Variants in SNX9 observed in about 807,000 individuals in gnomAD.
SNX9 encodes the protein sorting nexin 9.
In SNX9, 44 loss-of-function variants were observed where a neutral mutation model predicts 89.4. The ratio of observed to expected loss-of-function variants is 0.49; its 90% CI spans 0.39 to 0.63. SNX9 has a LOEUF of 0.63. Ranked by LOEUF, SNX9 falls within the 30% of genes least tolerant of loss-of-function variation. SNX9 has a pLI of 0.00. For synonymous variants in SNX9, 236 were observed against 247.8 expected (o/e 0.95, Z 0.45); for missense variants, 578 against 736.1 (o/e 0.79, Z 2.49).
chr6:157,889,975 G>T (rs1310433395), intron 4 of SNX9, among the ~76,000 whole-genome samples: 1 of 152,126 alleles, frequency 6.6e-6, no homozygotes, highest in Non-Finnish European at 1.5e-5. Context: ...TAAGTGTGGG[G>T]ACTAAGAGAG....
intron 13 of SNX9, among the ~76,000 whole-genome samples, chr6:157,935,316 G>A (rs1267369936): frequency 2.0e-5 from 3 of 152,162 alleles, no homozygotes; most frequent in African/African-American, 7.2e-5. Flanking sequence ...GTCATTCTAG[G>A]TAACGATCAT....
intron 4 of SNX9, among the ~76,000 whole-genome samples, chr6:157,878,431 ATTT>A (rs1341249074): frequency 1.5e-5 from 2 of 131,334 alleles, no homozygotes; most frequent in South Asian, 2.5e-4. Flanking sequence ...GAAGCCCACC[ATTT>A]TTTTTTTTTT....
intron 4 of SNX9, among the ~76,000 whole-genome samples, chr6:157,893,103 C>T (rs1017935649): frequency 3.3e-5 from 5 of 152,036 alleles, no homozygotes; most frequent in Non-Finnish European, 7.4e-5. Context: ...TTGGAGGACA[C>T]GGAATATATT....
At position 157,922,193 on chromosome 6, in the gene SNX9, A is replaced by C. The variant is rs1318821393; in HGVS notation, c.1080+532A>C. Among the ~76,000 whole-genome samples the C allele has an allele frequency of 2.0e-5, 3 of 152,192 alleles. No individual in the cohort carries two copies. In the South Asian group the frequency reaches 6.2e-4, roughly 32 times the overall value. ...TGTGGCCTGTAGTCTGCCAGTGGTC[A>C]TCTGTTCTTCATTAAAATCAAGGAA... On this transcript the variant is annotated intron_variant, in intron 10 of 17. Coordinates refer to ENST00000392185, the MANE Select transcript of SNX9 (RefSeq NM_016224.5).
chr6:157,941,008 T>G, intron 17 of SNX9, 34 bp downstream of exon 17: 2 of 1,562,770 alleles, frequency 1.3e-6, no homozygotes, highest in East Asian at 4.5e-5. Flanking sequence ...TCGCATGTGC[T>G]TGAGGAGAGG....
At chr6:157,933,210 C>T (rs542838621) in intron 13 of SNX9, among the ~76,000 whole-genome samples, 170 of 152,234 alleles carry the variant, frequency 1.1e-3, no homozygotes, top group Middle Eastern at 3.4e-3. Context: ...AGAAGGATCG[C>T]TTGAGCCCAG....
At chr6:157,859,090 C>T (rs1235042503) in intron 1 of SNX9, among the ~76,000 whole-genome samples, 3 of 152,124 alleles carry the variant, frequency 2.0e-5, no homozygotes, top group Non-Finnish European at 2.9e-5. Context: ...TTTCATCTTC[C>T]GCCATTACTG....
chr6:157,914,910 A>G (rs1783430616), intron 9 of SNX9, among the ~76,000 whole-genome samples: 1 of 152,104 alleles, frequency 6.6e-6, no homozygotes, highest in African/African-American at 2.4e-5. Context: ...ATTTTCTTCT[A>G]AAGGTTTTAG....
chr6:157,901,766 C>A, intron 5 of SNX9, 132 bp from the exon 6 acceptor site: 1 of 986,056 alleles, frequency 1.0e-6, no homozygotes, highest in South Asian at 1.7e-5. Context: ...TACTCCTATA[C>A]TATACCCTTT....
intron 1 of SNX9, among the ~76,000 whole-genome samples, chr6:157,825,503 G>C (rs1385422035): frequency 3.9e-5 from 6 of 152,136 alleles, no homozygotes; most frequent in African/African-American, 1.4e-4. Context: ...CGAATTGCAT[G>C]TGTCTTTGAT....
chr6:157,828,822 T>G (rs1193454027), intron 1 of SNX9, among the ~76,000 whole-genome samples: 1 of 152,152 alleles, frequency 6.6e-6, no homozygotes, highest in East Asian at 1.9e-4. Flanking sequence ...CGGGAAAGCC[T>G]TTCCTGATGT....
chr6:157,936,183 A>C, intron 14 of SNX9, 143 bp downstream of exon 14: 1 of 626,180 alleles, frequency 1.6e-6, no homozygotes, highest in Non-Finnish European at 2.7e-6. Flanking sequence ...ATTGTGTTTA[A>C]TCATGGTTTC....
At chr6:157,855,441 A>G (rs1781990839) in intron 1 of SNX9, among the ~76,000 whole-genome samples, 1 of 152,200 alleles carries the variant, frequency 6.6e-6, no homozygotes, top group Non-Finnish European at 1.5e-5. Context: ...TGTGTTTGTA[A>G]TCCTGATAGG....
In SNX9 at chr6:157,909,646, T is replaced by G. The variant is rs1007683161; in HGVS notation, c.706-19T>G. The G allele has an allele frequency of 2.2e-5, 35 of 1,606,658 alleles. No homozygotes were observed. Among genetic ancestry groups the G allele is most frequent in the Non-Finnish European group, 3.0e-5 (35 of 1,178,080 alleles). On this transcript the variant is annotated intron_variant, in intron 7 of 17. Coordinates refer to ENST00000392185, the MANE Select transcript of SNX9 (RefSeq NM_016224.5). The stretch of plus-strand genomic sequence containing the variant: ...TTTTCCATGTAACAAAATTACTTCT[T>G]TCTGGAACATTGGCATAGGTTGGAG...
chr6:157,855,534 G>A (rs1781993040), intron 1 of SNX9, among the ~76,000 whole-genome samples: 1 of 152,198 alleles, frequency 6.6e-6, no homozygotes. Context: ...CATGGTGTTA[G>A]CAGAGTTTTG....
At chr6:157,902,491 C>G (rs1317768612) in intron 6 of SNX9, among the ~76,000 whole-genome samples, 2 of 151,808 alleles carry the variant, frequency 1.3e-5, no homozygotes, top group Non-Finnish European at 2.9e-5. Flanking sequence ...TACATAAAAC[C>G]CCTGTTTTAC....
At chr6:157,940,598 A>G (rs1784017729) in intron 16 of SNX9, among the ~76,000 whole-genome samples, 1 of 152,182 alleles carries the variant, frequency 6.6e-6, no homozygotes, top group African/African-American at 2.4e-5. Context: ...TTGTATTCTT[A>G]GTAGAGATGG....
chr6:157,857,619 T>A (rs893346587), intron 1 of SNX9, among the ~76,000 whole-genome samples: 1 of 151,892 alleles, frequency 6.6e-6, no homozygotes, highest in African/African-American at 2.4e-5. Flanking sequence ...TTGGGACTTG[T>A]TGTGGACTTC....
In SNX9 at chr6:157,875,193, C is replaced by T; in HGVS notation, c.300+17C>T. 1.9e-6 allele frequency: 3 copies of T among 1,600,254 alleles called. No homozygotes were observed. The highest frequency in any genetic ancestry group is 2.6e-6 in the Non-Finnish European group (3 of 1,171,828). ...AATCACCAGGTACGTCTCACTTCCT[C>T]CTTCTGGATGTGGCTGGCTTTACGG... On this transcript the variant is annotated intron_variant, in intron 4 of 17. Coordinates refer to ENST00000392185, the MANE Select transcript of SNX9 (RefSeq NM_016224.5).
Sources: gnomAD v4.1 joint callset for allele counts (sites outside exome capture counted in the v4.1 genomes callset) on GRCh38, gnomAD v4.1.1 for gene constraint, MANE v1.5 for transcripts, NCBI Gene and HGNC (gene_info 2026-07-23, HGNC 2026-07-21) for gene names.